The following MRTFB variants were observed in gnomAD, a reference collection of about 807,000 sequenced individuals.
The protein encoded by MRTFB is myocardin related transcription factor B, also known as myocardin-related transcription factor B.
Under a neutral mutation model 104.2 loss-of-function variants are expected in MRTFB, and 29 were observed. The ratio of observed to expected loss-of-function variants is 0.28; its 90% CI spans 0.21 to 0.38. The LOEUF (loss-of-function observed/expected upper bound fraction) is 0.38. Among genes scored for constraint, MRTFB ranks in the 10% least tolerant of loss-of-function variants. The pLI is 1.00. For missense variants in MRTFB, 1,270 were observed against 1,341.6 expected, an observed-to-expected ratio of 0.95 and a Z score of 0.83; for synonymous variants, 535 against 519.5, an observed-to-expected ratio of 1.03 and a Z score of -0.41.
chr16:14,041,987 T>G, the MRTFB span, among the ~76,000 whole-genome samples: 1 of 152,186 alleles, frequency 6.6e-6, no homozygotes, highest in Non-Finnish European at 1.5e-5. Flanking sequence ...GTCTGCTGGA[T>G]CACATGGTAA....
intron 2 of MRTFB, among the ~76,000 whole-genome samples, chr16:14,138,931 C>G (rs2037860254): frequency 6.6e-6 from 1 of 152,008 alleles, no homozygotes; most frequent in Non-Finnish European, 1.5e-5. Context: ...AAAATTAACT[C>G]AAAATGGATC....
At chr16:14,140,804 C>T in intron 3 of MRTFB, 44 bp downstream of exon 3, 1 of 1,610,726 alleles carries the variant, frequency 6.2e-7, no homozygotes, top group Non-Finnish European at 8.5e-7. Flanking sequence ...TAAAGATTTC[C>T]CCTCTTTGGG....
At chr16:14,121,871 A>G (rs1352108516) in intron 2 of MRTFB, among the ~76,000 whole-genome samples, 1 of 152,220 alleles carries the variant, frequency 6.6e-6, no homozygotes, top group Non-Finnish European at 1.5e-5. Flanking sequence ...GTGCAATTGT[A>G]GAACTGAGTT....
At chr16:14,183,545 T>C (rs977098301) in intron 3 of MRTFB, among the ~76,000 whole-genome samples, 1 of 152,150 alleles carries the variant, frequency 6.6e-6, no homozygotes, top group Admixed American at 6.5e-5. Flanking sequence ...ATTTGATATA[T>C]CTATACCGAC....
At position 14,264,497 on chromosome 16, in the gene MRTFB, A is replaced by G. The variant is rs796877923; in HGVS notation, c.*3053A>G. The stretch of plus-strand genomic sequence containing the variant: ...TCTAGTGTTTTTCCTGAAATGTGCA[A>G]TCTACTGTATAGTATTGCCACATAA... On this transcript the variant is annotated 3_prime_UTR_variant, in exon 17 of 17. Transcript: ENST00000571589. 7 of 152,358 alleles carry G rather than the reference A, an allele frequency of 4.6e-5. No individual in the cohort carries two copies. Among genetic ancestry groups the G allele is most frequent in the African/African-American group, 1.7e-4 (7 of 41,590 alleles). 9.4% of individuals were successfully genotyped at this position (152,358 alleles called of 1,614,324 possible).
chr16:14,126,579 G>T (rs547129749), intron 2 of MRTFB, among the ~76,000 whole-genome samples: 1 of 152,074 alleles, frequency 6.6e-6, no homozygotes, highest in Non-Finnish European at 1.5e-5. Flanking sequence ...CAAGAATGTG[G>T]TAGACAGAAT....
chr16:14,115,294 T>G (rs2036487271), intron 2 of MRTFB, among the ~76,000 whole-genome samples: 1 of 152,216 alleles, frequency 6.6e-6, no homozygotes, highest in Non-Finnish European at 1.5e-5. Context: ...AAATATGTAT[T>G]TTTTTAGTTA....
At position 14,197,636 on chromosome 16, in the gene MRTFB, A is replaced by G. The variant is rs896273621; in HGVS notation, c.155-12607A>G. On this transcript the variant is annotated intron_variant, in intron 3 of 16. Coordinates refer to ENST00000571589, the MANE Select transcript of MRTFB (RefSeq NM_001308142.2). ...AGTATACCATGCAAATTTAAGTAAA[A>G]CATGTTTATTAAAACTTATATATAT... 2.6e-5 allele frequency among the ~76,000 whole-genome samples: 4 copies of G among 152,360 alleles called. No homozygotes were observed. In the South Asian group the frequency reaches 8.3e-4, roughly 32 times the overall value.
rs766229153 is a variant in MRTFB at position 14,245,578 on chromosome 16, C to T, written c.1130C>T (p.Ala377Val). Residue 377 changes from alanine to valine, a missense_variant, in exon 11 of 17, where the codon GCC (alanine) becomes GTC (valine). By Grantham distance (64) the Ala-to-Val change is moderately conservative (BLOSUM62 0). This residue lies in a region of MRTFB where 1,144 missense variants were observed against 1,131.5 expected (regional missense o/e 1.01). Coordinates refer to ENST00000571589, the MANE Select transcript of MRTFB (RefSeq NM_001308142.2). The stretch of plus-strand genomic sequence containing the variant: ...AGTGGGAATTCAGCTTTGAACAATG[C>T]CACACCTAACACACCAAGACAGAAT... ...SNSGNSALNN[A>V]TPNTPRQNTS... is the part of the protein sequence containing the mutation. The T allele has an allele frequency of 9.3e-6, 15 of 1,613,816 alleles. No individual in the cohort carries two copies. The Admixed American group carries it at 2.2e-4, about 23-fold the overall frequency.
At chr16:14,015,920 C>T in the MRTFB span, 1 of 398,720 alleles carries the variant, frequency 2.5e-6, no homozygotes. Flanking sequence ...CTCCTCCACA[C>T]TTGGAGCTTA....
At chr16:14,084,072 A>G (rs552707361) in intron 2 of MRTFB, among the ~76,000 whole-genome samples, 1 of 152,296 alleles carries the variant, frequency 6.6e-6, no homozygotes, top group African/African-American at 2.4e-5. Flanking sequence ...TTTAAATGTG[A>G]TGAGAGTGTT....
intron 3 of MRTFB, among the ~76,000 whole-genome samples, chr16:14,157,306 A>G (rs2038863540): frequency 6.6e-6 from 1 of 152,244 alleles, no homozygotes; most frequent in African/African-American, 2.4e-5. Flanking sequence ...ATTTAGGTTG[A>G]TAAAGAGTTT....
At chr16:14,224,488 C>G (rs879406562) in intron 8 of MRTFB, among the ~76,000 whole-genome samples, 1 of 152,142 alleles carries the variant, frequency 6.6e-6, no homozygotes, top group East Asian at 1.9e-4. Flanking sequence ...ACCACAATGC[C>G]TGTACAAGAA....
At chr16:14,154,672 A>G (rs1035093325) in intron 3 of MRTFB, among the ~76,000 whole-genome samples, 5 of 152,206 alleles carry the variant, frequency 3.3e-5, no homozygotes, top group African/African-American at 1.2e-4. Flanking sequence ...AGAGTCTCTC[A>G]GGAGTCTGTA....
the MRTFB span, among the ~76,000 whole-genome samples, chr16:14,051,602 A>C: frequency 6.6e-6 from 1 of 152,048 alleles, no homozygotes; most frequent in Non-Finnish European, 1.5e-5. Context: ...GCACTCATAC[A>C]GAACACACAT....
At position 14,212,348 on chromosome 16, in the gene MRTFB, TCA is replaced by T. The variant is rs2041228914; in HGVS notation, c.221-3_221-2del. ...TATACTGTGGAAACCATTTCTTTTCTCACAGCTTTGAAGAGCCCAGCGGCATT... is the reference window on the plus strand; with the variant it reads ...TATACTGTGGAAACCATTTCTTTTCTCAGCTTTGAAGAGCCCAGCGGCATT... On this transcript the variant is annotated splice_polypyrimidine_tract_variant and splice_region_variant and intron_variant, in intron 4 of 16. Coordinates refer to ENST00000571589, the MANE Select transcript of MRTFB (RefSeq NM_001308142.2). The T allele has an allele frequency of 1.2e-6, 2 of 1,613,816 alleles. No homozygotes were observed. Among genetic ancestry groups the T allele is most frequent in the Non-Finnish European group, 1.7e-6 (2 of 1,179,748 alleles).
At chr16:14,237,219 C>T (rs926924292) in intron 9 of MRTFB, among the ~76,000 whole-genome samples, 45 of 152,136 alleles carry the variant, frequency 3.0e-4, no homozygotes, top group African/African-American at 5.1e-4. Flanking sequence ...TACCTAGGGT[C>T]TAAGTACAGG....
intron 3 of MRTFB, chr16:14,151,119 A>G (rs2038593575): frequency 6.6e-6 from 1 of 152,222 alleles, no homozygotes; most frequent in Non-Finnish European, 1.5e-5. Context: ...CAAAATTGTT[A>G]CAGTAGTACA....
the MRTFB span, among the ~76,000 whole-genome samples, chr16:14,037,900 C>G: frequency 6.6e-6 from 1 of 152,192 alleles, no homozygotes; most frequent in Admixed American, 6.5e-5. Context: ...CATTTCTGTT[C>G]TGCTTTGTAT....
Sources: allele counts gnomAD v4.1 joint callset (sites outside exome capture counted in the v4.1 genomes callset), GRCh38; gene constraint gnomAD v4.1.1; regional missense constraint gnomAD v4.1.1; transcripts MANE v1.5; gene names NCBI Gene and HGNC (gene_info 2026-07-23, HGNC 2026-07-21).